Variants in ACACA observed in about 807,000 individuals in gnomAD.
ACACA encodes acetyl-CoA carboxylase alpha.
In ACACA, 103 loss-of-function variants were observed where a neutral mutation model predicts 296.1. The observed-to-expected ratio is 0.35, with a 90% confidence interval of 0.30 to 0.41. ACACA has a LOEUF of 0.41. Ranked by LOEUF, ACACA falls within the 10% of genes least tolerant of loss-of-function variation. The probability of loss-of-function intolerance (pLI) is 1.00; values close to 1 mark genes in which losing one functional copy is unlikely to be tolerated. For missense variants in ACACA, 1,554 were observed against 2,989.7 expected (o/e 0.52, Z 11.20); for synonymous variants, 953 against 1,038.6 (o/e 0.92, Z 1.58).
intron 38 of ACACA, among the ~76,000 whole-genome samples, chr17:37,190,707 A>G (rs2077717888): frequency 6.6e-6 from 1 of 152,202 alleles, no homozygotes; most frequent in Admixed American, 6.5e-5. Flanking sequence ...CCACCAGGTG[A>G]TTAACATTTA....
chr17:37,392,553 A>G (rs1460959167), intron 1 of ACACA: 2 of 152,178 alleles, frequency 1.3e-5, no homozygotes, highest in Non-Finnish European at 2.9e-5. Flanking sequence ...GTCAGGAGGG[A>G]TAAGACAGGG....
intron 45 of ACACA, among the ~76,000 whole-genome samples, chr17:37,138,680 G>A (rs1488270644): frequency 6.6e-6 from 1 of 152,144 alleles, no homozygotes; most frequent in Non-Finnish European, 1.5e-5. Context: ...GAGTACAATG[G>A]GCTCATTTTT....
intron 50 of ACACA, among the ~76,000 whole-genome samples, chr17:37,117,619 T>G (rs1435221559): frequency 6.6e-6 from 1 of 152,216 alleles, no homozygotes; most frequent in Non-Finnish European, 1.5e-5. Context: ...AAATGGCTCT[T>G]CCATCTAAAT....
intron 1 of ACACA, among the ~76,000 whole-genome samples, chr17:37,400,754 G>A (rs965866075): frequency 4.7e-4 from 71 of 151,994 alleles, no homozygotes; most frequent in African/African-American, 1.7e-3. Flanking sequence ...GTGTGTGTGT[G>A]TGTGTGTATC....
intron 10 of ACACA, among the ~76,000 whole-genome samples, chr17:37,268,741 C>CTATCTATCTATATATATA (rs1219982787): frequency 6.3e-5 from 6 of 94,510 alleles, no homozygotes; most frequent in East Asian, 3.1e-4. Flanking sequence ...ATCTATCTAT[C>CTATCTATCTATATATATA]TATATATATA....
chr17:37,195,874 A>G (rs920895938), intron 35 of ACACA, among the ~76,000 whole-genome samples: 2 of 152,138 alleles, frequency 1.3e-5, no homozygotes, highest in African/African-American at 4.8e-5. Context: ...GTATTCTACT[A>G]GTGTCATGGG....
chr17:37,156,005 G>A (rs1299082470), intron 42 of ACACA, among the ~76,000 whole-genome samples: 1 of 149,176 alleles, frequency 6.7e-6, no homozygotes, highest in East Asian at 2.0e-4. Flanking sequence ...ACACCTTATA[G>A]CTGCAATTCC....
chr17:37,405,656 G>T (rs2051457339), intron 1 of ACACA, among the ~76,000 whole-genome samples: 1 of 151,980 alleles, frequency 6.6e-6, no homozygotes, highest in South Asian at 2.1e-4. Context: ...GGGTTCAAGC[G>T]ATTCTACTGC....
chr17:37,305,185 GCATATGAACAATTTACAAATTGAA>G (rs1231991835), intron 3 of ACACA, among the ~76,000 whole-genome samples: 3 of 152,076 alleles, frequency 2.0e-5, no homozygotes, highest in African/African-American at 7.2e-5. Flanking sequence ...AACAAATTAT[GCATATGAACAATTTACAAATTGAA>G]CATATGAACA....
chr17:37,144,275 G>T, intron 45 of ACACA: 1 of 635,802 alleles, frequency 1.6e-6, no homozygotes, highest in South Asian at 1.6e-5. Context: ...AGGCTTCTTA[G>T]GATCTCCTTT....
rs549080494 is a variant in ACACA at position 37,324,001 on chromosome 17, C to T, written c.338+6172G>A. The stretch of plus-strand genomic sequence containing the variant: ...ATCCCAGCACTTTGGGAGGCCAAGG[C>T]GGGTGGATCACCTGAGGTCAGGGGT... On this transcript the variant is annotated intron_variant, in intron 3 of 55. Coordinates refer to ENST00000616317, the MANE Select transcript of ACACA (RefSeq NM_198834.3). Among the ~76,000 whole-genome samples the T allele has an allele frequency of 2.0e-5, 3 of 152,250 alleles. No homozygotes were observed. In the South Asian group the frequency reaches 6.2e-4, roughly 32 times the overall value.
At chr17:37,291,093 A>AG (rs1361772082) in intron 3 of ACACA, among the ~76,000 whole-genome samples, 29 of 151,172 alleles carry the variant, frequency 1.9e-4, no homozygotes, top group Non-Finnish European at 3.7e-4. Flanking sequence ...AAAAAAAAAA[A>AG]AAAAGAAAAA....
At chr17:37,225,658 G>A (rs768192800) in intron 26 of ACACA, 6 of 174,690 alleles carry the variant, frequency 3.4e-5, no homozygotes, top group Admixed American at 1.1e-4. Context: ...ACAGTGACAC[G>A]GTAGGATCTG....
At chr17:37,289,444 G>A in intron 3 of ACACA, 1 of 1,351,474 alleles carries the variant, frequency 7.4e-7, no homozygotes, top group Non-Finnish European at 9.8e-7. Context: ...TGTAAGTATG[G>A]CACAATCAAA....
intron 29 of ACACA, among the ~76,000 whole-genome samples, chr17:37,214,604 A>T (rs935744772): frequency 6.6e-6 from 1 of 152,148 alleles, no homozygotes; most frequent in Non-Finnish European, 1.5e-5. Context: ...CCCTAATGAT[A>T]TATTGAGAGT....
intron 50 of ACACA, among the ~76,000 whole-genome samples, chr17:37,118,228 G>A (rs930467539): frequency 2.0e-5 from 3 of 152,116 alleles, no homozygotes; most frequent in Admixed American, 2.0e-4. Flanking sequence ...TATATATCAG[G>A]CCAAAAACTC....
intron 38 of ACACA, among the ~76,000 whole-genome samples, chr17:37,189,816 T>C (rs1315157244): frequency 6.6e-6 from 1 of 152,056 alleles, no homozygotes; most frequent in Non-Finnish European, 1.5e-5. Flanking sequence ...AACCCATCAT[T>C]AGCTTGGAAT....
intron 1 of ACACA, among the ~76,000 whole-genome samples, chr17:37,383,412 C>T (rs2050390961): frequency 6.6e-6 from 1 of 152,088 alleles, no homozygotes; most frequent in African/African-American, 2.4e-5. Flanking sequence ...AGTTGGTTCC[C>T]ACATCTAGAA....
Position 37,161,812 on chromosome 17 carries a change from A to T in ACACA, c.5318T>A (p.Val1773Glu). The T allele has an allele frequency of 6.2e-7, 1 of 1,613,364 alleles. No individual in the cohort carries two copies. The highest frequency in any genetic ancestry group is 8.5e-7 in the Non-Finnish European group (1 of 1,179,992). The change falls in exon 42 of 56, where the codon GTG becomes GAG. Residue 1773 changes from valine to glutamate, a missense_variant. Transcript: ENST00000616317. Reference sequence around the variant, plus strand: ...AGGATCCTCAGGATCTACCCAGGCCACATGAAACATATGGCGAATTTCTTC... The same window carrying T: ...AGGATCCTCAGGATCTACCCAGGCCTCATGAAACATATGGCGAATTTCTTC... ...LAEEIRHMFH[V>E]AWVDPEDPYK...
Sources: gnomAD v4.1 joint callset for allele counts (sites outside exome capture counted in the v4.1 genomes callset) on GRCh38, gnomAD v4.1.1 for gene constraint, MANE v1.5 for transcripts, NCBI Gene and HGNC (gene_info 2026-07-23, HGNC 2026-07-21) for gene names.